PHF2: variants seen among roughly 807,000 people sequenced by gnomAD.
PHF2 encodes the protein PHD finger protein 2.
A neutral mutation model predicts 120.5 loss-of-function variants in PHF2; 27 were observed. The ratio of observed to expected loss-of-function variants is 0.22; its 90% CI spans 0.17 to 0.31. PHF2 has a LOEUF of 0.31. Among genes scored for constraint, PHF2 ranks in the 10% least tolerant of loss-of-function variants. The probability of loss-of-function intolerance (pLI) is 1.00; values close to 1 mark genes in which losing one functional copy is unlikely to be tolerated. For synonymous variants in PHF2, 568 were observed against 592.5 expected (o/e 0.96, Z 0.60); for missense variants, 1,024 against 1,434.8 (o/e 0.71, Z 4.63).
intron 5 of PHF2, among the ~76,000 whole-genome samples, chr9:93,650,903 C>T (rs1295958441): frequency 6.6e-6 from 1 of 151,996 alleles, no homozygotes; most frequent in Non-Finnish European, 1.5e-5. Context: ...TAGGGAGAAA[C>T]AAAAGAATTA....
At chr9:93,611,712 G>A (rs1377699062) in intron 1 of PHF2, among the ~76,000 whole-genome samples, 3 of 151,988 alleles carry the variant, frequency 2.0e-5, no homozygotes, top group South Asian at 2.1e-4. Flanking sequence ...ATGGGGTCTT[G>A]CAATGTTGCC....
chr9:93,604,364 C>T (rs1825499912), intron 1 of PHF2, among the ~76,000 whole-genome samples: 1 of 148,018 alleles, frequency 6.8e-6, no homozygotes, highest in Non-Finnish European at 1.5e-5. Context: ...AGACGGAGAG[C>T]AAGACTTCTT....
intron 5 of PHF2, among the ~76,000 whole-genome samples, chr9:93,650,053 C>G (rs565070516): frequency 6.6e-6 from 1 of 150,866 alleles, no homozygotes; most frequent in Non-Finnish European, 1.5e-5. Context: ...CACAACACAC[C>G]GACACTCACC....
At chr9:93,600,068 G>A (rs1011568837) in intron 1 of PHF2, among the ~76,000 whole-genome samples, 8 of 152,182 alleles carry the variant, frequency 5.3e-5, no homozygotes, top group Admixed American at 5.2e-4. Flanking sequence ...TGGGTGGTGT[G>A]TGGCATGTGT....
chr9:93,632,015 G>C (rs1826010059), intron 2 of PHF2, among the ~76,000 whole-genome samples: 1 of 152,100 alleles, frequency 6.6e-6, no homozygotes. Flanking sequence ...TGTGGTGCTG[G>C]GGCTGGGCAG....
intron 3 of PHF2, among the ~76,000 whole-genome samples, chr9:93,643,017 T>G (rs1826195020): frequency 6.6e-6 from 1 of 152,210 alleles, no homozygotes; most frequent in Non-Finnish European, 1.5e-5. Context: ...GTTGAGTATA[T>G]TTATTTTCAA....
At chr9:93,632,410 G>A (rs1197352141) in intron 2 of PHF2, among the ~76,000 whole-genome samples, 3 of 152,184 alleles carry the variant, frequency 2.0e-5, no homozygotes, top group Admixed American at 2.0e-4. Flanking sequence ...GTCATACTCT[G>A]TTCAGGCTGC....
chr9:93,589,780 TC>T (rs1422914219), intron 1 of PHF2, among the ~76,000 whole-genome samples: 1 of 152,192 alleles, frequency 6.6e-6, no homozygotes, highest in African/African-American at 2.4e-5. Context: ...GTCTCCCCGT[TC>T]TTCTCTCTGG....
At chr9:93,578,721 G>T (rs1862881173) in intron 1 of PHF2, among the ~76,000 whole-genome samples, 1 of 152,250 alleles carries the variant, frequency 6.6e-6, no homozygotes, top group Non-Finnish European at 1.5e-5. Flanking sequence ...ATGAGGGGCA[G>T]GCAGGCGACA....
intron 1 of PHF2, among the ~76,000 whole-genome samples, chr9:93,589,997 T>G (rs896092861): frequency 6.6e-6 from 1 of 152,244 alleles, no homozygotes; most frequent in African/African-American, 2.4e-5. Flanking sequence ...CCGAGGCCAC[T>G]GCGGTGTTGC....
chr9:93,588,061 G>A (rs780926768), intron 1 of PHF2, among the ~76,000 whole-genome samples: 12 of 152,196 alleles, frequency 7.9e-5, no homozygotes, highest in Non-Finnish European at 1.6e-4. Context: ...AGTGAGCTGG[G>A]TGCCTGGACT....
chr9:93,638,473 G>C (rs1826126559), intron 3 of PHF2, among the ~76,000 whole-genome samples: 1 of 152,144 alleles, frequency 6.6e-6, no homozygotes, highest in Non-Finnish European at 1.5e-5. Context: ...GGTAAGGATT[G>C]AACTTCATTT....
chr9:93,576,820 T>C lies in PHF2; in HGVS notation c.47T>C (p.Val16Ala). The change falls in exon 1 of 22, where the codon GTT becomes GCT. Residue 16 changes from valine to alanine, a missense_variant. By Grantham distance (64) the Val-to-Ala change is moderately conservative (BLOSUM62 0). Around this residue, in one of 2 missense-constraint regions of PHF2, gnomAD observed 347 missense variants for 577.4 expected, o/e 0.60. Transcript: ENST00000359246. ...TGCGTCTGCCGGCTCCCCTACGACG[T>C]TACCCGCTTCATGATCGAGTGCGAC... ...VYCVCRLPYD[V>A]TRFMIECDAC... 7.8e-7 allele frequency: 1 copy of C among 1,290,306 alleles called. No homozygotes were observed. The highest frequency in any genetic ancestry group is 1.0e-6 in the Non-Finnish European group (1 of 984,458). 79.9% of individuals were successfully genotyped at this position (1,290,306 alleles called of 1,614,324 possible).
intron 19 of PHF2, 104 bp from the exon 20 acceptor site, chr9:93,675,576 T>A: frequency 1.2e-6 from 1 of 861,934 alleles, no homozygotes; most frequent in Non-Finnish European, 1.9e-6. Flanking sequence ...TAGGCCTGCC[T>A]GGCCAGGGGG....
At chr9:93,645,431 T>A (rs546874144) in intron 3 of PHF2, among the ~76,000 whole-genome samples, 198 bp from the exon 4 acceptor site, 1 of 152,266 alleles carries the variant, frequency 6.6e-6, no homozygotes, top group East Asian at 1.9e-4. Flanking sequence ...AACAGTGGGG[T>A]TCTGGAGTCA....
intron 3 of PHF2, among the ~76,000 whole-genome samples, chr9:93,640,394 T>G (rs1272731074): frequency 6.6e-6 from 1 of 152,020 alleles, no homozygotes; most frequent in Admixed American, 6.5e-5. Context: ...CCCACATGCT[T>G]CTTTGTTCTG....
intron 5 of PHF2, among the ~76,000 whole-genome samples, chr9:93,649,959 T>G (rs1826335984): frequency 6.6e-6 from 1 of 151,788 alleles, no homozygotes; most frequent in Non-Finnish European, 1.5e-5. Flanking sequence ...AGTGGACACA[T>G]GGACACACAT....
Position 93,620,038 on chromosome 9 carries a change from C to T in PHF2, c.99-9932C>T, listed in dbSNP as rs1587686915. Among the ~76,000 whole-genome samples the T allele has an allele frequency of 3.9e-5, 6 of 152,234 alleles. No homozygotes were observed. The South Asian group carries it at 1.2e-3, about 32-fold the overall frequency. On this transcript the variant is annotated intron_variant, in intron 1 of 21. Transcript: ENST00000359246. ...CCTGGGCTTCAGCTCAGCCAAATGC[C>T]CTGCTCTCCCTCGGACTCTGCAGTC...
At chr9:93,648,893 G>A (rs920743510) in intron 4 of PHF2, among the ~76,000 whole-genome samples, 178 bp from the exon 5 acceptor site, 1 of 152,018 alleles carries the variant, frequency 6.6e-6, no homozygotes, top group African/African-American at 2.4e-5. Flanking sequence ...AGTTGAGCCA[G>A]GGGAAAAGCA....
Sources: gnomAD v4.1 joint callset for allele counts (sites outside exome capture counted in the v4.1 genomes callset) on GRCh38, gnomAD v4.1.1 for gene constraint, gnomAD v4.1.1 regional missense constraint, MANE v1.5 for transcripts, NCBI Gene and HGNC (gene_info 2026-07-23, HGNC 2026-07-21) for gene names.